Variants in ADAMTS14 observed in about 807,000 individuals in gnomAD.
ADAMTS14 encodes A disintegrin and metalloproteinase with thrombospondin motifs 14.
In ADAMTS14, 100 loss-of-function variants were observed where a neutral mutation model predicts 128.6. The observed-to-expected ratio is 0.78, with a 90% CI of 0.66 to 0.92. The LOEUF is 0.92. Among genes scored for constraint, ADAMTS14 ranks in the 40% least tolerant of loss-of-function variants. The pLI is 0.00. For missense variants in ADAMTS14, 1,562 were observed against 1,658.6 expected (o/e 0.94, Z 1.01); for synonymous variants, 665 against 653.8 (o/e 1.02, Z -0.26).
At chr10:70,737,281 C>T (rs960179503) in intron 10 of ADAMTS14, among the ~76,000 whole-genome samples, 5 of 152,224 alleles carry the variant, frequency 3.3e-5, no homozygotes, top group African/African-American at 1.2e-4. Flanking sequence ...TTTGCTCCCT[C>T]ATGCATGTGT....
Position 70,729,364 on chromosome 10 carries a change from T to A in ADAMTS14, c.941T>A (p.Val314Asp). The A allele has an allele frequency of 6.2e-7, 1 of 1,613,902 alleles. No individual in the cohort carries two copies. Among genetic ancestry groups the A allele is most frequent in the Non-Finnish European group, 8.5e-7 (1 of 1,179,934 alleles). ...ATTGCCCTCGTCCGCTTGATCATGG[T>A]TGGCTACCGACAGGTAAACCACCTT... ...INIALVRLIM[V>D]GYRQSLSLIE... The change falls in exon 5 of 22, where the codon GTT becomes GAT. Residue 314 changes from valine (V) to aspartate (D), a missense_variant. By Grantham distance (152) the Val-to-Asp change is radical. Coordinates refer to ENST00000373207, the MANE Select transcript of ADAMTS14 (RefSeq NM_080722.4).
rs372868968 is a variant in ADAMTS14 at position 70,733,866 on chromosome 10, T to C, written c.1209-19T>C. The C allele has an allele frequency of 3.2e-4, 513 of 1,607,496 alleles. No individual in the cohort carries two copies. Among genetic ancestry groups the C allele is most frequent in the Non-Finnish European group, 3.9e-4 (455 of 1,175,326 alleles). ...GGCTCCTGGGATGTATCAGGACTCC[T>C]CTGTCTTCCCCATTCCAGGCTCGGC... On this transcript the variant is annotated intron_variant, in intron 7 of 21. Transcript: ENST00000373207.
intron 4 of ADAMTS14, among the ~76,000 whole-genome samples, chr10:70,711,098 T>A (rs1037736262): frequency 3.5e-4 from 54 of 152,316 alleles, no homozygotes; most frequent in African/African-American, 1.2e-3. Flanking sequence ...AGCGGTAATT[T>A]CTTTCGTGGG....
intron 3 of ADAMTS14, among the ~76,000 whole-genome samples, chr10:70,707,422 G>A (rs1318802581): frequency 6.6e-6 from 1 of 152,118 alleles, no homozygotes; most frequent in East Asian, 1.9e-4. Context: ...TGAGATGGAG[G>A]GAAAGTCATT....
chr10:70,682,478 C>G (rs1458361019), intron 2 of ADAMTS14, among the ~76,000 whole-genome samples: 2 of 152,204 alleles, frequency 1.3e-5, no homozygotes, highest in Non-Finnish European at 2.9e-5. Context: ...GGGCTGAAAT[C>G]CCAGCTCTGC....
chr10:70,674,479 T>G (rs1420132540), intron 1 of ADAMTS14, 77 bp from the exon 2 acceptor site: 2 of 1,446,762 alleles, frequency 1.4e-6, no homozygotes, highest in Non-Finnish European at 1.9e-6. Flanking sequence ...TATCCCTCCC[T>G]GCCCGCGTGG....
chr10:70,706,260 G>A (rs55924079), intron 3 of ADAMTS14, among the ~76,000 whole-genome samples: 5 of 152,184 alleles, frequency 3.3e-5, no homozygotes, highest in Non-Finnish European at 7.4e-5. Context: ...GGTCATGGCT[G>A]GGGGAGGCCT....
At chr10:70,737,324 C>A (rs547079442) in intron 10 of ADAMTS14, among the ~76,000 whole-genome samples, 2 of 152,298 alleles carry the variant, frequency 1.3e-5, no homozygotes. Context: ...CGGGGGACCC[C>A]GTGGCTGGGT....
chr10:70,734,111 T>C, intron 8 of ADAMTS14, 83 bp downstream of exon 8: 1 of 1,535,854 alleles, frequency 6.5e-7, no homozygotes, highest in East Asian at 2.3e-5. Flanking sequence ...CTGGCTGGCT[T>C]CCCCACGTTG....
chr10:70,743,737 C>T (rs1207391702), intron 13 of ADAMTS14, 56 bp downstream of exon 13: 33 of 1,488,696 alleles, frequency 2.2e-5, no homozygotes, highest in Non-Finnish European at 2.8e-5. Flanking sequence ...GAGGGCTGCA[C>T]TGTAGCCCCT....
intron 4 of ADAMTS14, among the ~76,000 whole-genome samples, chr10:70,723,482 G>C (rs1202173177): frequency 6.6e-6 from 1 of 152,236 alleles, no homozygotes; most frequent in Non-Finnish European, 1.5e-5. Flanking sequence ...TGGGTATGGG[G>C]AGTTTCTGTA....
chr10:70,701,679 T>G (rs182905313), intron 2 of ADAMTS14, among the ~76,000 whole-genome samples: 1 of 152,306 alleles, frequency 6.6e-6, no homozygotes, highest in African/African-American at 2.4e-5. Flanking sequence ...TTAAAGGGAA[T>G]ATTTGATGTA....
At chr10:70,741,568 A>G (rs1449441293) in intron 12 of ADAMTS14, among the ~76,000 whole-genome samples, 1 of 152,200 alleles carries the variant, frequency 6.6e-6, no homozygotes, top group African/African-American at 2.4e-5. Context: ...TTCCCGTTGC[A>G]TGACCAGTGT....
chr10:70,726,952 G>T (rs368891498), intron 4 of ADAMTS14, among the ~76,000 whole-genome samples: 2 of 152,368 alleles, frequency 1.3e-5, no homozygotes, highest in South Asian at 2.1e-4. Context: ...CATTGGCATT[G>T]TTCCTTGTGG....
intron 2 of ADAMTS14, among the ~76,000 whole-genome samples, chr10:70,683,265 C>T (rs1305177961): frequency 6.6e-6 from 1 of 152,246 alleles, no homozygotes. Context: ...GGTGCACACC[C>T]TCTCTGAGAG....
At chr10:70,703,732 G>C (rs980962879) in intron 3 of ADAMTS14, among the ~76,000 whole-genome samples, 1 of 152,200 alleles carries the variant, frequency 6.6e-6, no homozygotes, top group African/African-American at 2.4e-5. Context: ...GGAACCAGCT[G>C]CATCACCAGC....
chr10:70,720,323 C>G (rs1214191504), intron 4 of ADAMTS14, among the ~76,000 whole-genome samples: 3 of 152,230 alleles, frequency 2.0e-5, no homozygotes, highest in African/African-American at 7.2e-5. Context: ...AGTCGGGAGA[C>G]TCAGCACTTT....
chr10:70,757,879 C>T, intron 19 of ADAMTS14, 83 bp from the exon 20 acceptor site: 1 of 1,513,936 alleles, frequency 6.6e-7, no homozygotes, highest in Non-Finnish European at 8.8e-7. Flanking sequence ...ACTGGCTGGG[C>T]TCTGAGCTCA....
At chr10:70,750,030 G>A (rs755510847) in intron 16 of ADAMTS14, 45 bp downstream of exon 16, 1 of 1,602,318 alleles carries the variant, frequency 6.2e-7, no homozygotes, top group Non-Finnish European at 8.5e-7. Context: ...CACCCCACTT[G>A]TCCCCTTAGC....
Sources: allele counts gnomAD v4.1 joint callset (sites outside exome capture counted in the v4.1 genomes callset), GRCh38; gene constraint gnomAD v4.1.1; transcripts MANE v1.5; gene names NCBI Gene and HGNC (gene_info 2026-07-23, HGNC 2026-07-21).